Variants in ARID2 observed in about 807,000 individuals in gnomAD.
ARID2 encodes the protein AT-rich interaction domain 2.
Under a neutral mutation model 184.6 loss-of-function variants are expected in ARID2, and 32 were observed. The ratio of observed to expected loss-of-function variants is 0.17; its 90% CI spans 0.13 to 0.23. The LOEUF is 0.23. Ranked by LOEUF, ARID2 falls within the 10% of genes least tolerant of loss-of-function variation. The probability of loss-of-function intolerance (pLI) is 1.00; values close to 1 mark genes in which losing one functional copy is unlikely to be tolerated. For missense variants in ARID2, 1,696 were observed against 2,197.6 expected, an observed-to-expected ratio of 0.77 and a Z score of 4.56; for synonymous variants, 836 against 772.6, an observed-to-expected ratio of 1.08 and a Z score of -1.36.
At chr12:45,779,407 C>T (rs1359648302) in intron 3 of ARID2, among the ~76,000 whole-genome samples, 1 of 151,942 alleles carries the variant, frequency 6.6e-6, no homozygotes, top group Non-Finnish European at 1.5e-5. Flanking sequence ...AAAAATTGTA[C>T]TTTGTTCTGT....
rs1479369636 is a variant in ARID2 at position 45,852,454 on chromosome 12, G to A, written c.4331G>A (p.Gly1444Asp). ...AATGCGGCAACACAGCAATTTAGTGGTACTGATTTGCTTAATGGACCTCTA... is the reference window on the plus strand; with the variant it reads ...AATGCGGCAACACAGCAATTTAGTGATACTGATTTGCTTAATGGACCTCTA... ...ASNAATQQFSGTDLLNGPLAS... is the reference protein window; with the variant it reads ...ASNAATQQFSDTDLLNGPLAS... The change falls in exon 15 of 21, where the codon GGT (glycine) becomes GAT (aspartate). Residue 1444 changes from glycine to aspartate, a missense_variant. Around this residue, in one of 11 missense-constraint regions of ARID2, gnomAD observed 428 missense variants for 409.1 expected, o/e 1.05. Coordinates refer to ENST00000334344, the MANE Select transcript of ARID2 (RefSeq NM_152641.4). The A allele has an allele frequency of 6.2e-7, 1 of 1,614,142 alleles. No homozygotes were observed. Among genetic ancestry groups the A allele is most frequent in the Non-Finnish European group, 8.5e-7 (1 of 1,179,996 alleles).
chr12:45,859,608 A>G (rs573836364), intron 15 of ARID2, among the ~76,000 whole-genome samples: 70 of 152,350 alleles, frequency 4.6e-4, no homozygotes, highest in African/African-American at 1.7e-3. Context: ...TATTTCAAGA[A>G]AATATATTGC....
At chr12:45,813,908 A>G (rs1397396183) in intron 4 of ARID2, among the ~76,000 whole-genome samples, 1 of 152,146 alleles carries the variant, frequency 6.6e-6, no homozygotes, top group Admixed American at 6.5e-5. Context: ...GACATTACAT[A>G]CCTAATACTT....
At chr12:45,901,598 C>T (rs1944460036) in intron 20 of ARID2, among the ~76,000 whole-genome samples, 1 of 151,812 alleles carries the variant, frequency 6.6e-6, no homozygotes, top group Admixed American at 6.6e-5. Flanking sequence ...TAGTTTTTTC[C>T]CAATCTGTGT....
chr12:45,749,728 C>T (rs917228532), intron 3 of ARID2, among the ~76,000 whole-genome samples: 136 of 152,234 alleles, frequency 8.9e-4, no homozygotes, highest in African/African-American at 3.0e-3. Context: ...TGCTGCTTCA[C>T]CTTGCACTTT....
intron 20 of ARID2, among the ~76,000 whole-genome samples, chr12:45,901,321 C>G (rs1362893695): frequency 2.0e-5 from 3 of 151,500 alleles, no homozygotes; most frequent in Non-Finnish European, 4.4e-5. Context: ...CAGGCGCCCA[C>G]CACCATGCCC....
intron 12 of ARID2, among the ~76,000 whole-genome samples, chr12:45,847,809 A>C (rs1313025745): frequency 6.6e-6 from 1 of 152,048 alleles, no homozygotes; most frequent in Non-Finnish European, 1.5e-5. Context: ...GGTTTTAAAT[A>C]TCTCTAATTG....
chr12:45,749,309 T>C (rs1288537857), intron 3 of ARID2, among the ~76,000 whole-genome samples: 2 of 152,088 alleles, frequency 1.3e-5, no homozygotes, highest in African/African-American at 4.8e-5. Context: ...AAAGTGATCT[T>C]TTTTTTTGAG....
chr12:45,846,949 A>G lies in ARID2; in HGVS notation c.1580+12A>G, dbSNP rs776018674. On this transcript the variant is annotated intron_variant, in intron 12 of 20. Transcript: ENST00000334344. ...TTTGCTTGTCAGTGGTAAGTGGTTT[A>G]TTTCTATTAAGGATTTATCCTTGGG... 2 of 1,610,832 alleles carry G rather than the reference A, an allele frequency of 1.2e-6. No individual in the cohort carries two copies. The highest frequency in any genetic ancestry group is 8.5e-7 in the Non-Finnish European group (1 of 1,177,544).
At chr12:45,896,047 C>G (rs921702930) in intron 20 of ARID2, among the ~76,000 whole-genome samples, 1 of 152,130 alleles carries the variant, frequency 6.6e-6, no homozygotes, top group Non-Finnish European at 1.5e-5. Flanking sequence ...TCAGTGCAAC[C>G]CCTGTCAACA....
In ARID2 at chr12:45,824,359, A is replaced by T. The variant is rs140324545; in HGVS notation, c.705+2872A>T. ...AAAACTGAAAGCTTTTCCTTGAAAA[A>T]CTGAAATAAGATGAGGACACTCACT... On this transcript the variant is annotated intron_variant, in intron 6 of 20. Transcript: ENST00000334344. Among the ~76,000 whole-genome samples the T allele has an allele frequency of 1.3e-3, 205 of 152,194 alleles. 1 individual carries two copies. Among genetic ancestry groups the T allele is most frequent in the African/African-American group, 4.8e-3 (199 of 41,528 alleles).
chr12:45,769,868 G>A (rs1941835869), intron 3 of ARID2, among the ~76,000 whole-genome samples: 1 of 152,098 alleles, frequency 6.6e-6, no homozygotes, highest in Admixed American at 6.5e-5. Flanking sequence ...ATGGAGGCCA[G>A]AATGCAGTGG....
At chr12:45,902,252 A>T (rs1233958841) in intron 20 of ARID2, among the ~76,000 whole-genome samples, 1 of 152,188 alleles carries the variant, frequency 6.6e-6, no homozygotes, top group African/African-American at 2.4e-5. Context: ...ATCAAAACAA[A>T]GTGAGTGCTT....
At chr12:45,753,740 C>T (rs139199743) in intron 3 of ARID2, among the ~76,000 whole-genome samples, 11 of 152,180 alleles carry the variant, frequency 7.2e-5, no homozygotes, top group East Asian at 1.9e-4. Flanking sequence ...ACTACAGGCA[C>T]GTGCCACCAT....
At chr12:45,804,063 T>G (rs920489583) in intron 3 of ARID2, among the ~76,000 whole-genome samples, 1 of 152,280 alleles carries the variant, frequency 6.6e-6, no homozygotes, top group Non-Finnish European at 1.5e-5. Flanking sequence ...CTTTCCCTAT[T>G]GGAGTATCTT....
rs2138159978 is a variant in ARID2, at chr12:45,850,219, C to T, written c.2096C>T (p.Pro699Leu). The T allele has an allele frequency of 1.9e-6, 3 of 1,614,126 alleles. No individual in the cohort carries two copies. The highest frequency in any genetic ancestry group is 2.5e-6 in the Non-Finnish European group (3 of 1,180,006). The change falls in exon 15 of 21, where the codon CCA becomes CTA. Residue 699 changes from proline (P) to leucine (L), a missense_variant. By Grantham distance (98) the Pro-to-Leu change is moderately conservative. Around this residue, in one of 11 missense-constraint regions of ARID2, gnomAD observed 713 missense variants for 824.4 expected, o/e 0.86. Transcript: ENST00000334344. ...SPHTHQQQNA[P>L]VTVIQSKAPI... Reference sequence around the variant, plus strand: ...CATACCCACCAGCAACAAAATGCTCCAGTGACTGTCATTCAAAGTAAAGCT... The same window carrying T: ...CATACCCACCAGCAACAAAATGCTCTAGTGACTGTCATTCAAAGTAAAGCT...
chr12:45,815,847 G>C (rs1016732621), intron 4 of ARID2, among the ~76,000 whole-genome samples: 5 of 152,184 alleles, frequency 3.3e-5, no homozygotes. Context: ...TTTTGGTAGA[G>C]ACAGCATCTC....
At position 45,892,130 on chromosome 12, in the gene ARID2, A is replaced by G. The variant is rs768772216; in HGVS notation, c.5147+34A>G. On this transcript the variant is annotated intron_variant, in intron 18 of 20. Coordinates refer to ENST00000334344, the MANE Select transcript of ARID2 (RefSeq NM_152641.4). ...AATGAGTTTACTTCCTGTTGTACAT[A>G]CAAAAAGAAACTAGGCAAAACACAA... is the stretch of plus-strand genomic sequence containing the variant. 1.9e-6 allele frequency: 3 copies of G among 1,584,268 alleles called. No homozygotes were observed. In the Admixed American group the frequency reaches 5.5e-5, roughly 29 times the overall value.
chr12:45,761,178 T>G (rs960806785), intron 3 of ARID2, among the ~76,000 whole-genome samples: 1 of 152,210 alleles, frequency 6.6e-6, no homozygotes, highest in Non-Finnish European at 1.5e-5. Context: ...TCTCCCTTCC[T>G]TGCCCAACAA....
Sources: gnomAD v4.1 joint callset for allele counts (sites outside exome capture counted in the v4.1 genomes callset) on GRCh38, gnomAD v4.1.1 for gene constraint, gnomAD v4.1.1 regional missense constraint, MANE v1.5 for transcripts, NCBI Gene and HGNC (gene_info 2026-07-23, HGNC 2026-07-21) for gene names.